Variants in BPIFB1 observed in about 807,000 individuals in gnomAD.
BPIFB1 encodes the protein BPI fold containing family B member 1, also known as BPI fold-containing family B member 1.
A neutral mutation model predicts 55.1 loss-of-function variants in BPIFB1; 34 were observed. The observed-to-expected ratio is 0.62, with a 90% confidence interval of 0.47 to 0.82. The LOEUF is 0.82. Among genes scored for constraint, BPIFB1 ranks in the 40% least tolerant of loss-of-function variants. The probability of loss-of-function intolerance (pLI) is 0.00; values close to 1 mark genes in which losing one functional copy is unlikely to be tolerated. For synonymous variants in BPIFB1, 236 were observed against 245.3 expected (o/e 0.96, Z 0.35); for missense variants, 532 against 593.1 (o/e 0.90, Z 1.07).
At chr20:33,306,852 C>A in intron 14 of BPIFB1, 59 bp from the exon 15 acceptor site, 2 of 1,444,584 alleles carry the variant, frequency 1.4e-6, no homozygotes, top group Non-Finnish European at 2.0e-6. Flanking sequence ...CTGAGCCTGC[C>A]CCTGGCTGCC....
chr20:33,295,690 A>G (rs1333924003), intron 6 of BPIFB1, among the ~76,000 whole-genome samples: 1 of 150,976 alleles, frequency 6.6e-6, no homozygotes, highest in Admixed American at 6.6e-5. Flanking sequence ...GAGAGAAAAA[A>G]AGGGAGAAAA....
rs376317153 is a variant in BPIFB1 at position 33,305,462 on chromosome 20, C to T, written c.1255-540C>T. 9.2e-4 allele frequency among the ~76,000 whole-genome samples: 139 copies of T among 151,808 alleles called. 1 individual carries two copies. The highest frequency in any genetic ancestry group is 3.2e-3 in the African/African-American group (131 of 41,418). On this transcript the variant is annotated intron_variant, in intron 13 of 15. Coordinates refer to ENST00000253354, the MANE Select transcript of BPIFB1 (RefSeq NM_033197.3). ...CCTCCTGAGTAGCTGGGACTACAGGCGCCCACCACCACGCCCGGCTAATTT... is the reference window on the plus strand; with the variant it reads ...CCTCCTGAGTAGCTGGGACTACAGGTGCCCACCACCACGCCCGGCTAATTT...
chr20:33,290,866 A>G, intron 4 of BPIFB1, 91 bp from the exon 5 acceptor site: 1 of 1,383,930 alleles, frequency 7.2e-7, no homozygotes, highest in Non-Finnish European at 9.9e-7. Flanking sequence ...CTGAGGAAGG[A>G]GGTGAGGGCT....
chr20:33,304,503 C>G (rs1438342401), intron 12 of BPIFB1, among the ~76,000 whole-genome samples: 5 of 152,216 alleles, frequency 3.3e-5, no homozygotes, highest in African/African-American at 1.2e-4. Context: ...ATCAGACTAT[C>G]TGGCTGCCCT....
rs2146527067 is a variant in BPIFB1, at chr20:33,289,939, T to C, written c.312T>C (p.Asn104=). The change falls in exon 4 of 16, where the codon AAT becomes AAC. Residue 104 remains asparagine, a synonymous_variant. Transcript: ENST00000253354. ...ILQLQVKPSA[N]DQELLVKIPL... ...AGCTGCAGGTGAAGCCCTCGGCCAATGACCAGGAGCTGCTAGTCAAGATCC... is the reference window on the plus strand; with the variant it reads ...AGCTGCAGGTGAAGCCCTCGGCCAACGACCAGGAGCTGCTAGTCAAGATCC... The C allele has an allele frequency of 6.2e-7, 1 of 1,614,156 alleles. No individual in the cohort carries two copies. The highest frequency in any genetic ancestry group is 1.1e-5 in the South Asian group (1 of 91,084).
chr20:33,288,675 G>C, intron 2 of BPIFB1, 66 bp from the exon 3 acceptor site: 1 of 1,573,716 alleles, frequency 6.4e-7, no homozygotes, highest in African/African-American at 1.4e-5. Context: ...CCCCAGCCTG[G>C]AGCTCCCACC....
chr20:33,287,742 C>T (rs889704545), intron 2 of BPIFB1, among the ~76,000 whole-genome samples: 2 of 152,142 alleles, frequency 1.3e-5, no homozygotes. Context: ...AGGAAGGGGG[C>T]TGCTGTTAAC....
intron 15 of BPIFB1, chr20:33,307,319 G>A (rs952310649): frequency 2.0e-4 from 52 of 255,910 alleles, no homozygotes; most frequent in Non-Finnish European, 7.5e-5. Context: ...ATGAACAAAT[G>A]GAAAACACTC....
At chr20:33,301,533 C>G in intron 9 of BPIFB1, 121 bp downstream of exon 9, 1 of 880,152 alleles carries the variant, frequency 1.1e-6, no homozygotes, top group Non-Finnish European at 1.7e-6. Context: ...AGATCTCACT[C>G]CCTCCTCTAA....
chr20:33,300,249 G>C (rs1252574353), intron 8 of BPIFB1, among the ~76,000 whole-genome samples: 1 of 152,150 alleles, frequency 6.6e-6, no homozygotes, highest in Non-Finnish European at 1.5e-5. Context: ...TTTCTCTCAG[G>C]CAAGTCCCTG....
At chr20:33,302,564 G>T in intron 10 of BPIFB1, 152 bp downstream of exon 10, 1 of 850,114 alleles carries the variant, frequency 1.2e-6, no homozygotes, top group Non-Finnish European at 1.9e-6. Context: ...CAGTCTAGCA[G>T]GCCAGTTTGA....
rs747587161 is a variant in BPIFB1 at position 33,306,961 on chromosome 20, G to A, written c.1369G>A (p.Glu457Lys). 6.5e-5 allele frequency: 105 copies of A among 1,614,194 alleles called. No individual in the cohort carries two copies. The highest frequency in any genetic ancestry group is 2.7e-4 in the Admixed American group (16 of 60,032). ...PVSLVKALGF[E>K]AAESSLTKDA... ...GTCATTGGTGAAGGCCTTGGGATTC[G>A]AGGCAGCTGAGTCCTCACTGACCAA... The change falls in exon 15 of 16, where the codon GAG becomes AAG. Residue 457 changes from glutamate (E) to lysine (K), a missense_variant. Transcript: ENST00000253354.
intron 6 of BPIFB1, among the ~76,000 whole-genome samples, chr20:33,293,320 G>T (rs2146528966): frequency 6.6e-6 from 1 of 152,218 alleles, no homozygotes; most frequent in African/African-American, 2.4e-5. Context: ...TTGATCTTTT[G>T]CAGATTGCCT....
At chr20:33,292,038 G>C in intron 6 of BPIFB1, 50 bp downstream of exon 6, 3 of 1,549,714 alleles carry the variant, frequency 1.9e-6, no homozygotes, top group Non-Finnish European at 2.7e-6. Context: ...GCCCCCTGTG[G>C]GGCTTGGGTG....
intron 12 of BPIFB1, 48 bp downstream of exon 12, chr20:33,304,073 C>T (rs201293084): frequency 1.6e-5 from 24 of 1,541,770 alleles, no homozygotes; most frequent in East Asian, 6.8e-5. Context: ...AAATGAGTCC[C>T]GCCTGGTAAC....
chr20:33,301,768 A>G (rs1439807579), intron 9 of BPIFB1, among the ~76,000 whole-genome samples: 1 of 152,198 alleles, frequency 6.6e-6, no homozygotes, highest in Non-Finnish European at 1.5e-5. Flanking sequence ...CACCACTATG[A>G]CACTCATGGC....
intron 4 of BPIFB1, among the ~76,000 whole-genome samples, chr20:33,290,587 A>C (rs930467854): frequency 1.2e-4 from 19 of 152,184 alleles, no homozygotes; most frequent in African/African-American, 4.6e-4. Context: ...CGATGACTCC[A>C]AGAGTTCTGC....
intron 15 of BPIFB1, chr20:33,307,490 A>G (rs939039946): frequency 2.0e-4 from 32 of 163,674 alleles, no homozygotes; most frequent in Admixed American, 1.7e-3. Context: ...TGGGGTGGCC[A>G]GGGAGGGCCT....
At chr20:33,305,449 C>T (rs1294171038) in intron 13 of BPIFB1, among the ~76,000 whole-genome samples, 2 of 151,420 alleles carry the variant, frequency 1.3e-5, no homozygotes, top group East Asian at 2.0e-4. Context: ...TCCTGAGTAG[C>T]TGGGACTACA....
Sources: allele counts gnomAD v4.1 joint callset (sites outside exome capture counted in the v4.1 genomes callset), GRCh38; gene constraint gnomAD v4.1.1; transcripts MANE v1.5; gene names NCBI Gene and HGNC (gene_info 2026-07-23, HGNC 2026-07-21).